The following RAP1A variants were observed in gnomAD, a reference collection of about 807,000 sequenced individuals.
RAP1A encodes RAP1A, member of RAS oncogene family, also known as ras-related protein Rap-1A.
A neutral mutation model predicts 26.4 loss-of-function variants in RAP1A; 6 were observed. That is an observed-to-expected ratio of 0.23 (90% CI 0.12 to 0.45). RAP1A has a LOEUF of 0.45. RAP1A is among the 20% of genes least tolerant of loss of function. The pLI is 0.99. For synonymous variants in RAP1A, 73 were observed against 79.4 expected, an observed-to-expected ratio of 0.92 and a Z score of 0.43; for missense variants, 121 against 217.2, an observed-to-expected ratio of 0.56 and a Z score of 2.78.
chr1:111,561,867 A>G (rs1657753598), intron 1 of RAP1A, among the ~76,000 whole-genome samples: 1 of 152,032 alleles, frequency 6.6e-6, no homozygotes, highest in African/African-American at 2.4e-5. Flanking sequence ...ACTCAGGGCC[A>G]AGCATTTTTG....
At chr1:111,660,989 G>A (rs146671085) in intron 1 of RAP1A, among the ~76,000 whole-genome samples, 2 of 152,166 alleles carry the variant, frequency 1.3e-5, no homozygotes, top group Non-Finnish European at 2.9e-5. Flanking sequence ...TATGGACTAC[G>A]ATCTCCCCAT....
At chr1:111,567,228 G>A (rs528778024) in intron 1 of RAP1A, among the ~76,000 whole-genome samples, 1 of 152,288 alleles carries the variant, frequency 6.6e-6, no homozygotes, top group Admixed American at 6.5e-5. Context: ...AGTATAGTGG[G>A]TGCAGAGAGG....
chr1:111,600,763 C>A (rs1404608095), intron 1 of RAP1A, among the ~76,000 whole-genome samples: 1 of 152,086 alleles, frequency 6.6e-6, no homozygotes, highest in South Asian at 2.1e-4. Flanking sequence ...CTCCTTTATC[C>A]CAAAGTCAAA....
At chr1:111,621,310 T>C (rs1659194986) in intron 1 of RAP1A, among the ~76,000 whole-genome samples, 1 of 152,210 alleles carries the variant, frequency 6.6e-6, no homozygotes, top group Non-Finnish European at 1.5e-5. Context: ...TCTTTCCTTG[T>C]GATGTAATTT....
At position 111,656,110 on chromosome 1, in the gene RAP1A, A is replaced by G. The variant is rs1457093057; in HGVS notation, c.-27-35224A>G. 2.0e-5 allele frequency among the ~76,000 whole-genome samples: 3 copies of G among 152,324 alleles called. No homozygotes were observed. In the South Asian group the frequency reaches 6.2e-4, roughly 32 times the overall value. ...TGCAGCATTATCTGTAATAATAGAA[A>G]ACACTTTGACATGCCCAGCAAGAAG... On this transcript the variant is annotated intron_variant, in intron 1 of 7. Transcript: ENST00000369709.
At chr1:111,568,017 A>G (rs1657961942) in intron 1 of RAP1A, among the ~76,000 whole-genome samples, 1 of 152,180 alleles carries the variant, frequency 6.6e-6, no homozygotes, top group Admixed American at 6.5e-5. Flanking sequence ...AATACCAGAA[A>G]CAGTGGGCCA....
chr1:111,709,045 C>A, intron 6 of RAP1A, 104 bp from the exon 7 acceptor site: 1 of 1,356,526 alleles, frequency 7.4e-7, no homozygotes, highest in Non-Finnish European at 9.6e-7. Context: ...AAGAAAGAAG[C>A]AGAATGCAGA....
At chr1:111,653,683 CAAAAAAAAAAAAAAAA>C (rs71099925) in intron 1 of RAP1A, among the ~76,000 whole-genome samples, 1 of 65,696 alleles carries the variant, frequency 1.5e-5, no homozygotes, top group Non-Finnish European at 2.8e-5. Flanking sequence ...AACTCTGTCT[CAAAAAAAAAAAAAAAA>C]AAAAAAAAAA....
At chr1:111,625,659 TAC>T (rs1050121229) in intron 1 of RAP1A, among the ~76,000 whole-genome samples, 2 of 152,226 alleles carry the variant, frequency 1.3e-5, no homozygotes, top group African/African-American at 4.8e-5. Flanking sequence ...CTTACAGTTT[TAC>T]ACAGTTAACA....
intron 1 of RAP1A, among the ~76,000 whole-genome samples, chr1:111,687,338 G>T (rs933364904): frequency 1.3e-5 from 2 of 151,806 alleles, no homozygotes; most frequent in Admixed American, 1.3e-4. Flanking sequence ...CTCCCAAGTA[G>T]CTGGGATTAC....
intron 1 of RAP1A, among the ~76,000 whole-genome samples, chr1:111,677,379 C>CTTGTG (rs58301397): frequency 0.13 from 20,031 of 152,018 alleles, 1,993 homozygotes; most frequent in African/African-American, 0.29. Context: ...CATTGAATTA[C>CTTGTG]TTGTGTTAAT....
At chr1:111,658,404 T>A (rs1414445459) in intron 1 of RAP1A, among the ~76,000 whole-genome samples, 1 of 152,166 alleles carries the variant, frequency 6.6e-6, no homozygotes, top group African/African-American at 2.4e-5. Flanking sequence ...TTATTGTAAC[T>A]TTTTTACTTT....
At chr1:111,671,633 C>T (rs1321983456) in intron 1 of RAP1A, among the ~76,000 whole-genome samples, 2 of 152,112 alleles carry the variant, frequency 1.3e-5, no homozygotes, top group Non-Finnish European at 2.9e-5. Context: ...TGCCACCACA[C>T]GTGGCTAATT....
chr1:111,686,363 C>T (rs1225547497), intron 1 of RAP1A, among the ~76,000 whole-genome samples: 1 of 151,988 alleles, frequency 6.6e-6, no homozygotes, highest in Non-Finnish European at 1.5e-5. Flanking sequence ...CTTTGGGAGG[C>T]CGAGGCGTCT....
intron 6 of RAP1A, among the ~76,000 whole-genome samples, chr1:111,708,397 A>G (rs1248138576): frequency 2.6e-5 from 4 of 152,250 alleles, no homozygotes; most frequent in Non-Finnish European, 5.9e-5. Flanking sequence ...AAAACCTCAG[A>G]TAAACCCAAA....
intron 1 of RAP1A, among the ~76,000 whole-genome samples, chr1:111,549,599 G>C (rs1222846784): frequency 6.7e-6 from 1 of 148,306 alleles, no homozygotes; most frequent in Non-Finnish European, 1.5e-5. Context: ...GTGGTGAGCC[G>C]ATATCATGCC....
At chr1:111,659,422 G>T (rs1159573672) in intron 1 of RAP1A, among the ~76,000 whole-genome samples, 4 of 151,664 alleles carry the variant, frequency 2.6e-5, no homozygotes, top group Non-Finnish European at 5.9e-5. Flanking sequence ...AACTATGGAT[G>T]GGGGGGTCTA....
intron 1 of RAP1A, among the ~76,000 whole-genome samples, chr1:111,671,841 T>C (rs1660986377): frequency 6.6e-6 from 1 of 152,264 alleles, no homozygotes; most frequent in African/African-American, 2.4e-5. Context: ...ATTTCCATCT[T>C]GATTTCTTTC....
intron 1 of RAP1A, among the ~76,000 whole-genome samples, chr1:111,623,043 A>G (rs960147755): frequency 5.9e-5 from 9 of 152,018 alleles, no homozygotes; most frequent in African/African-American, 1.9e-4. Context: ...TTTGAGACGG[A>G]GTCTTGCTCT....
Sources: allele counts gnomAD v4.1 joint callset (sites outside exome capture counted in the v4.1 genomes callset), GRCh38; gene constraint gnomAD v4.1.1; transcripts MANE v1.5; gene names NCBI Gene and HGNC (gene_info 2026-07-23, HGNC 2026-07-21).